The following WAPL variants were observed in gnomAD, a reference collection of about 807,000 sequenced individuals.
The protein encoded by WAPL is wings apart-like protein homolog.
In WAPL, 5 loss-of-function variants were observed where a neutral mutation model predicts 121.0. The ratio of observed to expected loss-of-function variants is 0.04; its 90% CI spans 0.02 to 0.09. The LOEUF is 0.09. Among genes scored for constraint, WAPL ranks in the 10% least tolerant of loss-of-function variants. The pLI is 1.00. For missense variants in WAPL, 999 were observed against 1,410.8 expected (o/e 0.71, Z 4.68); for synonymous variants, 480 against 481.5 (o/e 1.00, Z 0.04).
intron 9 of WAPL, chr10:86,467,015 A>C: frequency 5.7e-6 from 2 of 349,210 alleles, no homozygotes; most frequent in Non-Finnish European, 1.1e-5. Context: ...TTTTTTCTTA[A>C]AAAATAAAGA....
chr10:86,479,455 T>C (rs576749891), intron 4 of WAPL, among the ~76,000 whole-genome samples: 1 of 152,314 alleles, frequency 6.6e-6, no homozygotes. Context: ...GGTTTTGCCA[T>C]GTTGGCCAGG....
At chr10:86,484,306 G>C (rs978045188) in intron 4 of WAPL, among the ~76,000 whole-genome samples, 1 of 151,982 alleles carries the variant, frequency 6.6e-6, no homozygotes, top group African/African-American at 2.4e-5. Context: ...GACCAGCCTC[G>C]ACAACATGGT....
rs1841266462 is a variant in WAPL at position 86,461,273 on chromosome 10, A to G, written c.2385T>C (p.Ala795=). Residue 795 remains alanine, a synonymous_variant, in exon 10 of 19, where the codon GCT becomes GCC. Coordinates refer to ENST00000298767, the MANE Select transcript of WAPL (RefSeq NM_015045.5). The stretch of plus-strand genomic sequence containing the variant: ...AAGTAAGGGATAATAATGTCTCCAT[A>G]GCTAAATGCCCAGTCTAAAAACCAG... The part of the protein sequence containing the change: ...DLENITTGHL[A]METLLSLTSK... The G allele has an allele frequency of 1.2e-6, 2 of 1,611,372 alleles. No homozygotes were observed. Among genetic ancestry groups the G allele is most frequent in the East Asian group, 2.2e-5 (1 of 44,806 alleles).
Position 86,435,833 on chromosome 10 carries a change from T to C in WAPL, c.*1710A>G, listed in dbSNP as rs568887319. The C allele has an allele frequency of 6.6e-6, 1 of 152,338 alleles. No individual in the cohort carries two copies. The highest frequency in any genetic ancestry group is 2.4e-5 in the African/African-American group (1 of 41,562). The allele number at this position is 152,338 out of a possible 1,614,324, so 9.4% of individuals were successfully genotyped here. ...AATCTGTCCCTTTCCCTAAATCCAA[T>C]GATTAATAAATATCAATGTATTTTG... On this transcript the variant is annotated 3_prime_UTR_variant, in exon 19 of 19. Coordinates refer to ENST00000298767, the MANE Select transcript of WAPL (RefSeq NM_015045.5).
At chr10:86,445,341 T>C (rs752980058) in intron 16 of WAPL, among the ~76,000 whole-genome samples, 1 of 152,238 alleles carries the variant, frequency 6.6e-6, no homozygotes, top group Non-Finnish European at 1.5e-5. Context: ...TGTGGTTGGC[T>C]GACTCTGTGG....
chr10:86,453,572 C>T, intron 13 of WAPL, 84 bp downstream of exon 13: 1 of 1,449,792 alleles, frequency 6.9e-7, no homozygotes, highest in Non-Finnish European at 9.3e-7. Flanking sequence ...AAATCACTAC[C>T]CCAGGAAAAG....
intron 2 of WAPL, among the ~76,000 whole-genome samples, chr10:86,509,616 C>T (rs1842416654): frequency 1.3e-5 from 2 of 152,140 alleles, no homozygotes; most frequent in Admixed American, 6.6e-5. Context: ...AAAATAATAG[C>T]TGGAAGGAGG....
chr10:86,514,347 A>G (rs1222701662), intron 2 of WAPL, among the ~76,000 whole-genome samples: 1 of 152,368 alleles, frequency 6.6e-6, no homozygotes, highest in African/African-American at 2.4e-5. Context: ...TCTACCATGA[A>G]AATTAAATGC....
rs1589522760 is a variant in WAPL, at chr10:86,485,324, C to A, written c.1645-11351G>T. ...TTGGGAGGCCGAGGGAGGCGGATCG[C>A]TTGAGATCAGGAGTTCAAGACCAAC... On this transcript the variant is annotated intron_variant, in intron 4 of 18. Transcript: ENST00000298767. 4.6e-5 allele frequency among the ~76,000 whole-genome samples: 7 copies of A among 152,112 alleles called. No homozygotes were observed. The South Asian group carries it at 1.5e-3, about 32-fold the overall frequency.
chr10:86,440,690 G>T (rs1168403198), intron 17 of WAPL, among the ~76,000 whole-genome samples: 4 of 151,942 alleles, frequency 2.6e-5, no homozygotes, highest in African/African-American at 9.7e-5. Flanking sequence ...TTGGAAATAA[G>T]AAAAAGGGAT....
chr10:86,491,136 CTTTT>C (rs34863367), intron 4 of WAPL, among the ~76,000 whole-genome samples: 4 of 102,784 alleles, frequency 3.9e-5, no homozygotes, highest in Admixed American at 1.2e-4. Flanking sequence ...ACTCATGGTT[CTTTT>C]TTTTTTTTTT....
intron 2 of WAPL, among the ~76,000 whole-genome samples, chr10:86,502,424 A>G (rs561575207): frequency 2.0e-5 from 3 of 152,320 alleles, no homozygotes; most frequent in South Asian, 2.1e-4. Flanking sequence ...CCAAAATTGT[A>G]TATTTTTGGA....
At chr10:86,509,568 C>T (rs1002808014) in intron 2 of WAPL, among the ~76,000 whole-genome samples, 1 of 152,098 alleles carries the variant, frequency 6.6e-6, no homozygotes, top group African/African-American at 2.4e-5. Context: ...CAGTACAATG[C>T]GAGAAATGCA....
rs1842210317 is a variant in WAPL at position 86,499,701 on chromosome 10, A to ATT, written c.1525+15_1525+16dup. On this transcript the variant is annotated intron_variant, in intron 3 of 18. Coordinates refer to ENST00000298767, the MANE Select transcript of WAPL (RefSeq NM_015045.5). ...GGGAACTATTGTACTTATTATACAT[A>ATT]TTTTTTAAATTCTTACCTGCATTGT... 1 of 1,536,168 alleles carries ATT rather than the reference A, an allele frequency of 6.5e-7. No homozygotes were observed. The highest frequency in any genetic ancestry group is 2.3e-5 in the East Asian group (1 of 44,434).
At chr10:86,461,366 C>T in intron 9 of WAPL, 79 bp from the exon 10 acceptor site, 1 of 1,095,758 alleles carries the variant, frequency 9.1e-7, no homozygotes. Flanking sequence ...CAAAAATTTA[C>T]TGCATGCTAC....
chr10:86,493,905 A>C (rs895083327), intron 4 of WAPL, among the ~76,000 whole-genome samples: 2 of 152,212 alleles, frequency 1.3e-5, no homozygotes, highest in African/African-American at 4.8e-5. Flanking sequence ...CAGGAGGCTA[A>C]GGCAGGAGAA....
chr10:86,455,196 GCTCA>G (rs1197510052), intron 12 of WAPL, among the ~76,000 whole-genome samples: 3 of 152,238 alleles, frequency 2.0e-5, no homozygotes, highest in South Asian at 4.1e-4. Context: ...GTACCCAACA[GCTCA>G]CTGAGAACGG....
At chr10:86,490,111 G>A (rs1348349257) in intron 4 of WAPL, among the ~76,000 whole-genome samples, 2 of 151,924 alleles carry the variant, frequency 1.3e-5, no homozygotes, top group Admixed American at 6.6e-5. Context: ...CTACCTGGGA[G>A]GCCGAGGCAG....
At chr10:86,516,669 A>C (rs1158722185) in intron 2 of WAPL, among the ~76,000 whole-genome samples, 3 of 152,018 alleles carry the variant, frequency 2.0e-5, no homozygotes, top group Non-Finnish European at 4.4e-5. Context: ...CACCTTTTTC[A>C]CTTATTATAA....
Sources: gnomAD v4.1 joint callset for allele counts (sites outside exome capture counted in the v4.1 genomes callset) on GRCh38, gnomAD v4.1.1 for gene constraint, MANE v1.5 for transcripts, NCBI Gene and HGNC (gene_info 2026-07-23, HGNC 2026-07-21) for gene names.